The following CEP126 variants were observed in gnomAD, a reference collection of about 807,000 sequenced individuals.
CEP126 encodes the protein centrosomal protein of 126 kDa.
CEP126 carries 74 observed loss-of-function variants against 107.8 expected under a neutral mutation model. The observed-to-expected ratio is 0.69, with a 90% CI of 0.57 to 0.83. The LOEUF is 0.83. Among genes scored for constraint, CEP126 ranks in the 40% least tolerant of loss-of-function variants. CEP126 has a pLI of 0.00. For missense variants in CEP126, 1,237 were observed against 1,281.9 expected (o/e 0.96, Z 0.53); for synonymous variants, 449 against 446.0 (o/e 1.01, Z -0.08).
intron 2 of CEP126, among the ~76,000 whole-genome samples, chr11:101,924,928 C>T (rs1350663940): frequency 1.3e-5 from 2 of 151,992 alleles, no homozygotes; most frequent in African/African-American, 4.8e-5. Flanking sequence ...TTTTTATTTT[C>T]TTATTATTTA....
intron 9 of CEP126, among the ~76,000 whole-genome samples, chr11:101,990,015 C>T (rs956787166): frequency 2.0e-5 from 3 of 149,272 alleles, no homozygotes; most frequent in Non-Finnish European, 4.4e-5. Context: ...TGAACACTTT[C>T]TCACCCATGG....
At position 101,962,170 on chromosome 11, in the gene CEP126, C is replaced by G; in HGVS notation, c.1135C>G (p.Leu379Val). 1 of 1,613,548 alleles carries G rather than the reference C, an allele frequency of 6.2e-7. No homozygotes were observed. The highest frequency in any genetic ancestry group is 8.5e-7 in the Non-Finnish European group (1 of 1,179,774). The stretch of plus-strand genomic sequence containing the variant: ...TGTATCTAGCCCACCCATGTTTGTA[C>G]TAGATAAAAAATGTGAAAAGACCTC... ...PFVSSPPMFV[L>V]DKKCEKTSET... Residue 379 changes from leucine to valine, a missense_variant, in exon 6 of 11, where the codon CTA (leucine) becomes GTA (valine). By Grantham distance (32) the Leu-to-Val change is conservative (BLOSUM62 1). Transcript: ENST00000263468.
At position 101,963,423 on chromosome 11, in the gene CEP126, A is replaced by G. The variant is rs778848893; in HGVS notation, c.2388A>G (p.Lys796=). The G allele has an allele frequency of 1.2e-6, 2 of 1,614,150 alleles. No individual in the cohort carries two copies. Among genetic ancestry groups the G allele is most frequent in the East Asian group, 4.5e-5 (2 of 44,880 alleles). The change falls in exon 6 of 11, where the codon AAA becomes AAG. Residue 796 remains lysine (K), a synonymous_variant. Coordinates refer to ENST00000263468, the MANE Select transcript of CEP126 (RefSeq NM_020802.4). The stretch of plus-strand genomic sequence containing the variant: ...ACATATTTACACAAGCTCAGGGAAA[A>G]TTAATTATACCTTGTCCTCCTCCTC... ...KVNIFTQAQG[K]LIIPCPPPQS...
intron 2 of CEP126, among the ~76,000 whole-genome samples, chr11:101,928,278 T>C (rs2137083129): frequency 6.6e-6 from 1 of 152,330 alleles, no homozygotes; most frequent in East Asian, 1.9e-4. Context: ...TTGTCAGATA[T>C]GTTGTTTGTA....
chr11:101,993,950 T>G (rs1941414265), intron 10 of CEP126, among the ~76,000 whole-genome samples: 1 of 152,152 alleles, frequency 6.6e-6, no homozygotes, highest in Non-Finnish European at 1.5e-5. Flanking sequence ...TTCTTGATAT[T>G]AGGCCAGGCA....
At chr11:101,954,492 G>A (rs1371145102) in intron 4 of CEP126, among the ~76,000 whole-genome samples, 1 of 152,104 alleles carries the variant, frequency 6.6e-6, no homozygotes, top group Admixed American at 6.5e-5. Flanking sequence ...GTCTATGCTA[G>A]GATCATTAAA....
chr11:101,996,611 ACTAACTT>A (rs1941444456), intron 10 of CEP126, among the ~76,000 whole-genome samples: 1 of 152,352 alleles, frequency 6.6e-6, no homozygotes, highest in Admixed American at 6.5e-5. Flanking sequence ...TGTAAAAAGC[ACTAACTT>A]CACAGGCATA....
At chr11:101,922,896 C>T in intron 2 of CEP126, 136 bp downstream of exon 2, 1 of 704,734 alleles carries the variant, frequency 1.4e-6, no homozygotes, top group Non-Finnish European at 2.3e-6. Flanking sequence ...ATTTGTGTGG[C>T]TTTGTAAATT....
At chr11:101,928,583 T>C (rs1181531424) in intron 2 of CEP126, among the ~76,000 whole-genome samples, 1 of 152,202 alleles carries the variant, frequency 6.6e-6, no homozygotes, top group African/African-American at 2.4e-5. Context: ...TTTTGTTTGA[T>C]AGTTTTTTGG....
At chr11:101,988,364 A>C (rs1941337916) in intron 9 of CEP126, among the ~76,000 whole-genome samples, 1 of 152,222 alleles carries the variant, frequency 6.6e-6, no homozygotes, top group African/African-American at 2.4e-5. Context: ...TATCCACAGT[A>C]TATCTTAGAG....
At chr11:101,963,974 A>G in intron 6 of CEP126, 94 bp downstream of exon 6, 1 of 755,936 alleles carries the variant, frequency 1.3e-6, no homozygotes. Context: ...CATACATACT[A>G]CATAAATATT....
intron 2 of CEP126, 30 bp downstream of exon 2, chr11:101,922,790 A>G: frequency 6.4e-7 from 1 of 1,569,688 alleles, no homozygotes. Flanking sequence ...TCAGAAGTAT[A>G]GAAATTCAAA....
At position 101,999,093 on chromosome 11, in the gene CEP126, C is replaced by T. The variant is rs547484165; in HGVS notation, c.*1450C>T. ...ATTTTAAGAATAGGATTTCGGAAGGCGACAGAAAATTTAGTTCTTAGACAT... is the reference window on the plus strand; with the variant it reads ...ATTTTAAGAATAGGATTTCGGAAGGTGACAGAAAATTTAGTTCTTAGACAT... On this transcript the variant is annotated 3_prime_UTR_variant, in exon 11 of 11. Coordinates refer to ENST00000263468, the MANE Select transcript of CEP126 (RefSeq NM_020802.4). 2.6e-5 allele frequency: 4 copies of T among 151,994 alleles called. No individual in the cohort carries two copies. Among genetic ancestry groups the T allele is most frequent in the South Asian group, 2.1e-4 (1 of 4,808 alleles). The allele number at this position is 151,994 out of a possible 1,614,324, so 9.4% of individuals were successfully genotyped here.
intron 2 of CEP126, among the ~76,000 whole-genome samples, chr11:101,928,663 G>A (rs1940446924): frequency 6.6e-6 from 1 of 152,058 alleles, no homozygotes. Context: ...TTTCCTCCAT[G>A]AATTGTTTTT....
At chr11:101,967,025 CT>C (rs759877416) in intron 6 of CEP126, among the ~76,000 whole-genome samples, 1,169 of 107,066 alleles carry the variant, frequency 0.011, 3 homozygotes, top group South Asian at 0.028. Context: ...CTCTTTCTTT[CT>C]TTTTTTTTTT....
Position 101,948,019 on chromosome 11 carries a change from T to TAA in CEP126, c.395-12_395-11insAA. On this transcript the variant is annotated splice_polypyrimidine_tract_variant and intron_variant, in intron 3 of 10. Transcript: ENST00000263468. The stretch of plus-strand genomic sequence containing the variant: ...GTGATTCTGTACTGTTCGGTCTTTA[T>TAA]TATCTCTTTAGTTTCCCGAAAACCA... The TAA allele has an allele frequency of 6.6e-7, 1 of 1,516,174 alleles. No homozygotes were observed. The highest frequency in any genetic ancestry group is 9.1e-7 in the Non-Finnish European group (1 of 1,093,428). 93.9% of individuals were successfully genotyped at this position (1,516,174 alleles called of 1,614,324 possible). A position where few individuals can be genotyped will look rare whatever the true frequency, so the allele number is the denominator to read the frequency against.
chr11:101,995,883 C>T (rs1028201437), intron 10 of CEP126, among the ~76,000 whole-genome samples: 8 of 152,130 alleles, frequency 5.3e-5, no homozygotes, highest in Admixed American at 1.3e-4. Context: ...TATTAAGTAC[C>T]GTCTATGTGC....
At chr11:101,986,221 G>A (rs1941315203) in intron 8 of CEP126, among the ~76,000 whole-genome samples, 1 of 152,110 alleles carries the variant, frequency 6.6e-6, no homozygotes, top group Non-Finnish European at 1.5e-5. Flanking sequence ...GACCTCAAGT[G>A]ATTCACCTGC....
intron 2 of CEP126, among the ~76,000 whole-genome samples, chr11:101,942,664 C>A (rs983729849): frequency 4.0e-5 from 6 of 149,902 alleles, no homozygotes; most frequent in Admixed American, 1.3e-4. Context: ...AAAAAAAAGT[C>A]ATTGGAATTT....
Sources: allele counts gnomAD v4.1 joint callset (sites outside exome capture counted in the v4.1 genomes callset), GRCh38; gene constraint gnomAD v4.1.1; transcripts MANE v1.5; gene names NCBI Gene and HGNC (gene_info 2026-07-23, HGNC 2026-07-21).